ACTR3C: variants seen among roughly 807,000 people sequenced by gnomAD.
ACTR3C encodes the protein actin-related protein 3C.
A neutral mutation model predicts 26.3 loss-of-function variants in ACTR3C; 18 were observed. That is an observed-to-expected ratio of 0.68 (90% confidence interval 0.47 to 1.01). ACTR3C has a LOEUF of 1.01. ACTR3C is among the 50% of genes least tolerant of loss of function. The pLI is 0.00. For missense variants in ACTR3C, 184 were observed against 250.7 expected, an observed-to-expected ratio of 0.73 and a Z score of 1.80; for synonymous variants, 55 against 94.5, an observed-to-expected ratio of 0.58 and a Z score of 2.42.
the ACTR3C span, among the ~76,000 whole-genome samples, chr7:150,038,351 C>A: frequency 1.4e-5 from 2 of 143,638 alleles, 1 homozygote; most frequent in African/African-American, 5.4e-5. Context: ...TCTTTTCTCT[C>A]TCTGACGCAT....
At chr7:149,961,422 C>T in the ACTR3C span, among the ~76,000 whole-genome samples, 1 of 151,876 alleles carries the variant, frequency 6.6e-6, no homozygotes, top group African/African-American at 2.4e-5. Context: ...TGTATGCTCA[C>T]AGGAAGTACA....
chr7:150,127,137 T>TAG, the ACTR3C span, among the ~76,000 whole-genome samples: 77 of 112,844 alleles, frequency 6.8e-4, no homozygotes, highest in African/African-American at 2.6e-3. Context: ...ATCCTACCAT[T>TAG]AGACACACAC....
the ACTR3C span, among the ~76,000 whole-genome samples, chr7:150,135,800 G>T: frequency 2.6e-3 from 360 of 139,264 alleles, no homozygotes; most frequent in African/African-American, 9.2e-3. Context: ...GAAACGAAAC[G>T]AAAGAAAGGA....
the ACTR3C span, among the ~76,000 whole-genome samples, chr7:150,060,641 G>C: frequency 6.6e-6 from 1 of 152,264 alleles, no homozygotes; most frequent in African/African-American, 2.4e-5. Flanking sequence ...TAAAAGCGCT[G>C]CTGTTGAGCA....
At chr7:150,003,642 G>A in the ACTR3C span, among the ~76,000 whole-genome samples, 7 of 152,114 alleles carry the variant, frequency 4.6e-5, no homozygotes, top group South Asian at 2.1e-4. Flanking sequence ...TGTGTAATGC[G>A]TGTGGGGTTT....
chr7:150,242,469 A>T (rs11489454), downstream of ACTR3C, among the ~76,000 whole-genome samples: 24,818 of 147,872 alleles, frequency 0.17, 3,611 homozygotes, highest in African/African-American at 0.39. Context: ...CTCAGGCCTA[A>T]ACATGTATAA....
chr7:150,115,003 G>A, the ACTR3C span, among the ~76,000 whole-genome samples: 1 of 152,084 alleles, frequency 6.6e-6, no homozygotes, highest in Non-Finnish European at 1.5e-5. Flanking sequence ...CTGTTTCAGA[G>A]AGATACAGAA....
the ACTR3C span, among the ~76,000 whole-genome samples, chr7:149,977,308 C>A: frequency 6.6e-6 from 1 of 152,192 alleles, no homozygotes; most frequent in African/African-American, 2.4e-5. Context: ...ATGACACCAG[C>A]CCGTGATCCA....
the ACTR3C span, among the ~76,000 whole-genome samples, chr7:150,203,935 T>C: frequency 6.6e-6 from 1 of 151,808 alleles, no homozygotes; most frequent in African/African-American, 2.4e-5. Flanking sequence ...CAAGGTGACC[T>C]GTTACATTAT....
the ACTR3C span, among the ~76,000 whole-genome samples, chr7:150,213,555 AGAG>A: frequency 6.6e-6 from 1 of 152,188 alleles, no homozygotes; most frequent in Non-Finnish European, 1.5e-5. Context: ...TAAGCCATGA[AGAG>A]GAGGAGGAGG....
the ACTR3C span, among the ~76,000 whole-genome samples, chr7:149,929,108 A>ATT: frequency 2.0e-5 from 3 of 152,238 alleles, no homozygotes; most frequent in African/African-American, 7.2e-5. Flanking sequence ...TTTTGCAACC[A>ATT]TCACCATAAT....
At chr7:150,138,833 C>T in the ACTR3C span, among the ~76,000 whole-genome samples, 10 of 152,426 alleles carry the variant, frequency 6.6e-5, no homozygotes, top group Admixed American at 2.0e-4. Flanking sequence ...CTCTGCCTCC[C>T]GTCAGGTCAG....
At chr7:150,043,205 T>C in the ACTR3C span, among the ~76,000 whole-genome samples, 1 of 150,744 alleles carries the variant, frequency 6.6e-6, no homozygotes, top group South Asian at 2.1e-4. Flanking sequence ...GATTTGAGCT[T>C]TCTTCTTGAA....
At chr7:149,945,680 A>G in the ACTR3C span, among the ~76,000 whole-genome samples, 1 of 152,120 alleles carries the variant, frequency 6.6e-6, no homozygotes, top group Non-Finnish European at 1.5e-5. Context: ...AGAAGCAATC[A>G]GGTGCCCCAG....
chr7:150,133,321 A>G, the ACTR3C span, among the ~76,000 whole-genome samples: 4 of 152,106 alleles, frequency 2.6e-5, no homozygotes, highest in African/African-American at 4.8e-5. Context: ...TCCCTCCCCA[A>G]TCACTACAAG....
the ACTR3C span, among the ~76,000 whole-genome samples, chr7:150,094,474 A>T: frequency 1.3e-5 from 2 of 150,410 alleles, no homozygotes; most frequent in Admixed American, 6.6e-5. Flanking sequence ...TCTGTTCTCA[A>T]CAATGCCACG....
the ACTR3C span, among the ~76,000 whole-genome samples, chr7:150,136,030 G>A: frequency 1.3e-4 from 20 of 152,124 alleles, no homozygotes; most frequent in African/African-American, 3.1e-4. Flanking sequence ...GGATGTTGGC[G>A]CCGGTGGCCC....
the ACTR3C span, among the ~76,000 whole-genome samples, chr7:150,058,037 C>T: frequency 6.6e-6 from 1 of 152,322 alleles, no homozygotes; most frequent in Middle Eastern, 3.4e-3. Context: ...GTCCCAGATT[C>T]GGTGACTTTT....
the ACTR3C span, among the ~76,000 whole-genome samples, chr7:150,040,052 C>CG: frequency 3.2e-4 from 43 of 135,218 alleles, 3 homozygotes; most frequent in Middle Eastern, 0.014. Flanking sequence ...CCCCGCCTCG[C>CG]GGGGGGTGCC....
Sources: gnomAD v4.1 joint callset for allele counts (sites outside exome capture counted in the v4.1 genomes callset) on GRCh38, gnomAD v4.1.1 for gene constraint, MANE v1.5 for transcripts, NCBI Gene and HGNC (gene_info 2026-07-23, HGNC 2026-07-21) for gene names.